Variants in CLCN5 observed in about 807,000 individuals in gnomAD.
CLCN5 encodes Cl-/H+ antiporter 5, also known as H(+)/Cl(-) exchange transporter 5.
Under a neutral mutation model 54.0 loss-of-function variants are expected in CLCN5, and 17 were observed. That is an observed-to-expected ratio of 0.31 (90% CI 0.22 to 0.47). The LOEUF is 0.47. Ranked by LOEUF, CLCN5 falls within the 20% of genes least tolerant of loss-of-function variation. CLCN5 has a pLI of 1.00. For missense variants in CLCN5, 448 were observed against 646.7 expected (o/e 0.69, Z 3.33); for synonymous variants, 222 against 233.0 (o/e 0.95, Z 0.43).
intron 4 of CLCN5, among the ~76,000 whole-genome samples, chrX:50,056,391 C>T (rs1002296861): frequency 9.0e-6 from 1 of 111,513 alleles, no homozygotes; most frequent in Non-Finnish European, 1.9e-5. Flanking sequence ...ATTCTCTTGT[C>T]AGTCCCATAA....
intron 9 of CLCN5, 90 bp from the exon 10 acceptor site, chrX:50,085,890 A>C (rs1040328039): frequency 6.7e-6 from 5 of 748,003 alleles, no homozygotes; most frequent in African/African-American, 4.1e-5. Flanking sequence ...TTAAATGTTC[A>C]GTAACTACTA....
At chrX:49,993,175 C>T (rs1023532718) in intron 3 of CLCN5, among the ~76,000 whole-genome samples, 4 of 111,538 alleles carry the variant, frequency 3.6e-5, no homozygotes, top group Non-Finnish European at 5.6e-5. Flanking sequence ...CCCACCTTCT[C>T]CACCACCAAG....
At chrX:50,062,916 A>C (rs1236641677) in intron 4 of CLCN5, among the ~76,000 whole-genome samples, 265 of 107,895 alleles carry the variant, frequency 2.5e-3, no homozygotes, top group African/African-American at 4.5e-3. Context: ...CTACTGGGTA[A>C]ATAACGAAAT....
At chrX:50,033,900 G>A (rs931258030) in intron 3 of CLCN5, among the ~76,000 whole-genome samples, 2 of 111,782 alleles carry the variant, frequency 1.8e-5, no homozygotes, top group Admixed American at 1.9e-4. Context: ...CTCTGGTATT[G>A]TCTGTTCAGA....
intron 3 of CLCN5, among the ~76,000 whole-genome samples, chrX:49,973,541 C>A (rs1928340296): frequency 9.5e-6 from 1 of 104,791 alleles, no homozygotes; most frequent in Admixed American, 1.0e-4. Flanking sequence ...TGGTATCTTT[C>A]TTTCTTAACA....
At chrX:50,071,140 G>A (rs1402273453) in intron 5 of CLCN5, among the ~76,000 whole-genome samples, 2 of 110,424 alleles carry the variant, frequency 1.8e-5, no homozygotes, top group South Asian at 3.9e-4. Flanking sequence ...ATTGACTTTC[G>A]TTCTTAAGCC....
intron 3 of CLCN5, among the ~76,000 whole-genome samples, chrX:49,933,950 G>A (rs1925789957): frequency 9.0e-6 from 1 of 111,301 alleles, no homozygotes. Context: ...TGTTTCAGAT[G>A]TATAATCTTG....
chrX:49,948,893 T>C (rs782355451), intron 3 of CLCN5, among the ~76,000 whole-genome samples: 1 of 112,604 alleles, frequency 8.9e-6, no homozygotes, highest in South Asian at 3.6e-4. Context: ...GTGAAAACAT[T>C]GTTTTGGCTC....
chrX:49,931,982 C>T (rs1480180876), intron 3 of CLCN5, among the ~76,000 whole-genome samples: 1 of 110,763 alleles, frequency 9.0e-6, no homozygotes, highest in African/African-American at 3.3e-5. Flanking sequence ...GTGGTAGGAT[C>T]TTGGCTCACT....
chrX:49,989,887 T>TA (rs1168706378), intron 3 of CLCN5, among the ~76,000 whole-genome samples: 1 of 112,071 alleles, frequency 8.9e-6, no homozygotes, highest in Non-Finnish European at 1.9e-5. Context: ...AAGAGAGTAT[T>TA]ACAGTTGCCC....
At chrX:50,054,151 G>T (rs1874125186) in intron 4 of CLCN5, among the ~76,000 whole-genome samples, 1 of 110,946 alleles carries the variant, frequency 9.0e-6, no homozygotes, top group Non-Finnish European at 1.9e-5. Flanking sequence ...GTGTTTTGTG[G>T]CTGTGACCTT....
chrX:50,060,025 G>T (rs1462926982), intron 4 of CLCN5, among the ~76,000 whole-genome samples: 3 of 105,241 alleles, frequency 2.9e-5, no homozygotes, highest in African/African-American at 1.0e-4. Flanking sequence ...TACTGTTACA[G>T]GTAAAATTGT....
intron 3 of CLCN5, among the ~76,000 whole-genome samples, chrX:49,962,384 C>T (rs781996354): frequency 7.7e-4 from 86 of 111,709 alleles, no homozygotes; most frequent in African/African-American, 2.6e-3. Flanking sequence ...GCTTTCTTAT[C>T]AATGATGCTT....
rs951476822 is a variant in CLCN5 at position 49,978,051 on chromosome X, C to T, written c.16+52737C>T. On this transcript the variant is annotated intron_variant, in intron 3 of 14. Transcript: ENST00000376091. Reference sequence around the variant, plus strand: ...TGGGTAAGCGGATCCCTTAAATTCCCCAGGAGGCAGAATAAAGTAGTGAGT... The same window carrying T: ...TGGGTAAGCGGATCCCTTAAATTCCTCAGGAGGCAGAATAAAGTAGTGAGT... 5.4e-5 allele frequency among the ~76,000 whole-genome samples: 6 copies of T among 111,769 alleles called. No individual in the cohort carries two copies. In the East Asian group the frequency reaches 1.7e-3, roughly 32 times the overall value.
intron 3 of CLCN5, among the ~76,000 whole-genome samples, chrX:49,960,573 T>A (rs1486921710): frequency 9.2e-6 from 1 of 108,759 alleles, no homozygotes; most frequent in Non-Finnish European, 1.9e-5. Flanking sequence ...AGCCCATTGG[T>A]CACAAACTTT....
chrX:49,925,988 A>G (rs1601944547), intron 3 of CLCN5, among the ~76,000 whole-genome samples: 1 of 111,654 alleles, frequency 9.0e-6, no homozygotes, highest in East Asian at 2.8e-4. Flanking sequence ...GGTATGTGGG[A>G]TTTTTATTGT....
rs782076451 is a variant in CLCN5, at chrX:50,052,056, G to A, written c.163+9594G>A. The stretch of plus-strand genomic sequence containing the variant: ...TTTGTTGTCTTACTTTACTAGCTAA[G>A]ATGTTGAATAGATGAATGGTAAGAG... On this transcript the variant is annotated intron_variant, in intron 4 of 14. Transcript: ENST00000376091. Among the ~76,000 whole-genome samples the A allele has an allele frequency of 2.7e-5, 3 of 111,752 alleles. No homozygotes were observed. In the South Asian group the frequency reaches 1.1e-3, roughly 42 times the overall value.
intron 3 of CLCN5, among the ~76,000 whole-genome samples, chrX:49,960,818 C>T (rs997101394): frequency 4.5e-5 from 5 of 110,972 alleles, no homozygotes; most frequent in African/African-American, 1.3e-4. Flanking sequence ...TTTCCTACCC[C>T]AAAATCTTCT....
At chrX:50,072,668 G>A (rs990757836) in intron 6 of CLCN5, 80 bp downstream of exon 6, 5 of 725,674 alleles carry the variant, frequency 6.9e-6, no homozygotes, top group South Asian at 2.1e-5. Context: ...GCTGAGTCAC[G>A]TACTGTGTTT....
Sources: gnomAD v4.1 joint callset for allele counts (sites outside exome capture counted in the v4.1 genomes callset) on GRCh38, gnomAD v4.1.1 for gene constraint, MANE v1.5 for transcripts, NCBI Gene and HGNC (gene_info 2026-07-23, HGNC 2026-07-21) for gene names.